The following MEFV variants were observed in gnomAD, a reference collection of about 807,000 sequenced individuals.
MEFV encodes the protein MEFV innate immunity regulator, pyrin, also known as pyrin.
MEFV carries 60 observed loss-of-function variants against 62.5 expected under a neutral mutation model. The observed-to-expected ratio is 0.96, with a 90% confidence interval of 0.78 to 1.19. MEFV has a LOEUF of 1.19. Among genes scored for constraint, MEFV ranks in the 50% most tolerant of loss-of-function variants. MEFV has a pLI of 0.00. For synonymous variants in MEFV, 500 were observed against 415.2 expected (o/e 1.20, Z -2.48); for missense variants, 1,169 against 1,004.5 (o/e 1.16, Z -2.21).
intron 2 of MEFV, among the ~76,000 whole-genome samples, chr16:3,253,281 T>G (rs1390911008): frequency 6.6e-6 from 1 of 152,106 alleles, no homozygotes; most frequent in Non-Finnish European, 1.5e-5. Flanking sequence ...TGGCCAGGGT[T>G]TTGTGTCCAT....
intron 4 of MEFV, 151 bp from the exon 5 acceptor site, chr16:3,247,397 T>C (rs547720905): frequency 3.1e-6 from 2 of 647,880 alleles, no homozygotes; most frequent in East Asian, 5.4e-5. Flanking sequence ...GGAGGCGATA[T>C]TGTCTGGAAC....
At chr16:3,247,606 G>C in intron 4 of MEFV, 1 of 285,044 alleles carries the variant, frequency 3.5e-6, no homozygotes, top group East Asian at 8.3e-5. Context: ...GATTGGGTGG[G>C]TCCCTAATCC....
rs1180523888 is a variant in MEFV at position 3,254,039 on chromosome 16, C to T, written c.910+119G>A. Reference sequence around the variant, plus strand: ...ACCAGGCTGGTCTCAAAGTCTTGGCCTCCAGCAATCCTCCCGCCCTGGCCT... The same window carrying T: ...ACCAGGCTGGTCTCAAAGTCTTGGCTTCCAGCAATCCTCCCGCCCTGGCCT... On this transcript the variant is annotated intron_variant, in intron 2 of 9. Coordinates refer to ENST00000219596, the MANE Select transcript of MEFV (RefSeq NM_000243.3). 9.6e-6 allele frequency: 11 copies of T among 1,148,920 alleles called. No homozygotes were observed. In the East Asian group the frequency reaches 2.3e-4, roughly 24 times the overall value. 71.2% of individuals were successfully genotyped at this position (1,148,920 alleles called of 1,614,324 possible).
In MEFV at chr16:3,244,556, G is replaced by T. The variant is rs550970304; in HGVS notation, c.1643C>A (p.Thr548Asn). 1.4e-5 allele frequency: 23 copies of T among 1,613,994 alleles called. No homozygotes were observed. Among genetic ancestry groups the T allele is most frequent in the Non-Finnish European group, 1.8e-5 (21 of 1,180,040 alleles). The change falls in exon 7 of 10, where the codon ACC becomes AAC. Residue 548 changes from threonine to asparagine, a missense_variant. By Grantham distance (65) the Thr-to-Asn change is moderately conservative. Coordinates refer to ENST00000219596, the MANE Select transcript of MEFV (RefSeq NM_000243.3). ...CTTTTGTTTTATCTCTTGAGGAGTG[G>T]TCCACTTTTCAGGGACAGGCACTGT... is the stretch of plus-strand genomic sequence containing the variant. Reference protein sequence around the residue: ...AKTVPVPEKWTTPQEIKQKIQ... With the variant: ...AKTVPVPEKWNTPQEIKQKIQ...
chr16:3,255,449 C>T (rs1959103335), intron 1 of MEFV, among the ~76,000 whole-genome samples: 1 of 151,918 alleles, frequency 6.6e-6, no homozygotes, highest in Non-Finnish European at 1.5e-5. Flanking sequence ...GCTCTGTTGC[C>T]CTGATGTGAT....
intron 4 of MEFV, chr16:3,247,559 C>T: frequency 2.6e-6 from 1 of 385,370 alleles, no homozygotes; most frequent in Non-Finnish European, 4.8e-6. Context: ...GATAAGAGTT[C>T]TTGCAGATGT....
chr16:3,243,596 C>A lies in MEFV; in HGVS notation c.1891G>T (p.Asp631Tyr). Residue 631 changes from aspartate to tyrosine, a missense_variant, in exon 10 of 10, where the codon GAT becomes TAT. Transcript: ENST00000219596. Reference sequence around the variant, plus strand: ...CAGCTGTCAAATCTTTGCGGGCCATCAGGCAGCCTCTCCCACTTGTTTCCA... The same window carrying A: ...CAGCTGTCAAATCTTTGCGGGCCATAAGGCAGCCTCTCCCACTTGTTTCCA... ...RLGNKWERLP[D>Y]GPQRFDSCII... The A allele has an allele frequency of 6.2e-7, 1 of 1,601,662 alleles. No homozygotes were observed. Among genetic ancestry groups the A allele is most frequent in the Non-Finnish European group, 8.5e-7 (1 of 1,172,750 alleles).
At chr16:3,246,878 G>T in intron 5 of MEFV, 138 bp downstream of exon 5, 3 of 865,854 alleles carry the variant, frequency 3.5e-6, no homozygotes, top group Non-Finnish European at 5.7e-6. Context: ...AGGCACTGTG[G>T]GTCACCAAGA....
chr16:3,247,310 AC>A lies in MEFV; in HGVS notation c.1357-65del, dbSNP rs1427576642. ...TGTGGGTGGACGTGGATGTCCAGGAACCCCCAGAAGCCCACCTCCTGGAGGT... is the reference window on the plus strand; with the variant it reads ...TGTGGGTGGACGTGGATGTCCAGGAACCCCAGAAGCCCACCTCCTGGAGGT... On this transcript the variant is annotated intron_variant, in intron 4 of 9. Coordinates refer to ENST00000219596, the MANE Select transcript of MEFV (RefSeq NM_000243.3). The A allele has an allele frequency of 3.4e-6, 5 of 1,486,810 alleles. No individual in the cohort carries two copies. In the East Asian group the frequency reaches 9.0e-5, roughly 27 times the overall value. The allele number at this position is 1,486,810 out of a possible 1,614,324, so 92.1% of individuals were successfully genotyped here.
chr16:3,250,723 C>A (rs1959018642), intron 2 of MEFV, among the ~76,000 whole-genome samples: 1 of 151,150 alleles, frequency 6.6e-6, no homozygotes, highest in Admixed American at 6.6e-5. Context: ...CCACGAGATA[C>A]AAGAAGAAAT....
chr16:3,256,223 G>C (rs1959112935), intron 1 of MEFV, 88 bp downstream of exon 1: 1 of 1,486,052 alleles, frequency 6.7e-7, no homozygotes, highest in Non-Finnish European at 9.2e-7. Context: ...CCCCAGGTCA[G>C]AGTGAGCTGC....
rs771061550 is a variant in MEFV at position 3,247,070 on chromosome 16, C to G, written c.1533G>C (p.Ala511=). Residue 511 remains alanine (A), a synonymous_variant, in exon 5 of 10, where the codon GCG becomes GCC. Coordinates refer to ENST00000219596, the MANE Select transcript of MEFV (RefSeq NM_000243.3). ...CCTTGGCCTCCAGTTCCCCAATCAG[C>G]GCATCGAGCAGGGCGATGTCCTGGG... is the stretch of plus-strand genomic sequence containing the variant. The part of the protein sequence containing the change: ...RVSQDIALLD[A]LIGELEAKEC... The G allele has an allele frequency of 2.5e-6, 4 of 1,614,038 alleles. No homozygotes were observed. The highest frequency in any genetic ancestry group is 1.7e-5 in the Admixed American group (1 of 59,990).
In MEFV at chr16:3,243,363, G is replaced by A. The variant is rs1958887477; in HGVS notation, c.2124C>T (p.Arg708=). 6.2e-7 allele frequency: 1 copy of A among 1,614,154 alleles called. No individual in the cohort carries two copies. The highest frequency in any genetic ancestry group is 8.5e-7 in the Non-Finnish European group (1 of 1,180,040). Residue 708 remains arginine (R), a synonymous_variant, in exon 10 of 10, where the codon CGC becomes CGT. Transcript: ENST00000219596. ...EYQASSVPPT[R]LLIKEPPKRV... ...GCTTGGGAGGCTCCTTTATTAGCAG[G>A]CGGGTCGGGGGAACGCTGGACGCCT...
In MEFV at chr16:3,254,643, A is replaced by C; in HGVS notation, c.425T>G (p.Leu142Arg). 1 of 1,607,896 alleles carries C rather than the reference A, an allele frequency of 6.2e-7. No individual in the cohort carries two copies. Among genetic ancestry groups the C allele is most frequent in the South Asian group, 1.1e-5 (1 of 91,004 alleles). Residue 142 changes from leucine to arginine, a missense_variant, in exon 2 of 10, where the codon CTG becomes CGG. Physicochemically the swap from Leu to Arg is moderately radical, Grantham distance 102 (BLOSUM62 -2). Transcript: ENST00000219596. ...CCCGGCCTCGGGCTGGCTGCACCGCAGGCTGGCAGCTCCGCCCCCGTACGG... is the reference window on the plus strand; with the variant it reads ...CCCGGCCTCGGGCTGGCTGCACCGCCGGCTGGCAGCTCCGCCCCCGTACGG... ...PRPYGGGAAS[L>R]RCSQPEAGRG...
intron 7 of MEFV, 55 bp from the exon 8 acceptor site, chr16:3,244,341 G>A: frequency 6.2e-7 from 1 of 1,613,118 alleles, no homozygotes; most frequent in Non-Finnish European, 8.5e-7. Flanking sequence ...CTCAGCCAGG[G>A]ACAGATGGAG....
At position 3,249,533 on chromosome 16, in the gene MEFV, G is replaced by A. The variant is rs1958999260; in HGVS notation, c.1158C>T (p.Phe386=). 6.2e-7 allele frequency: 1 copy of A among 1,614,236 alleles called. No individual in the cohort carries two copies. The highest frequency in any genetic ancestry group is 8.5e-7 in the Non-Finnish European group (1 of 1,180,044). ...KRHLKQVQLL[F]CEDHDEPICL... is the part of the protein sequence containing the mutation. ...AGATGGGCTCATCGTGATCCTCACA[G>A]AAGAGCAGCTGGACCTGCTTCAGGT... is the stretch of plus-strand genomic sequence containing the variant. Residue 386 remains phenylalanine (F), a synonymous_variant, in exon 3 of 10, where the codon TTC becomes TTT. Transcript: ENST00000219596.
chr16:3,254,421 A>C lies in MEFV; in HGVS notation c.647T>G (p.Leu216Arg), dbSNP rs754236724. 2 of 1,612,414 alleles carry C rather than the reference A, an allele frequency of 1.2e-6. No individual in the cohort carries two copies. The highest frequency in any genetic ancestry group is 2.7e-5 in the African/African-American group (2 of 74,880). ...CTTCTGCCCCGGGGCGCCCCCCGCC[A>C]GCCCCTGCAGCCTCCCCGCGGAGCT... is the stretch of plus-strand genomic sequence containing the variant. ...NASSAGRLQG[L>R]AGGAPGQKEC... The change falls in exon 2 of 10, where the codon CTG becomes CGG. Residue 216 changes from leucine to arginine, a missense_variant. Transcript: ENST00000219596.
At chr16:3,254,921 T>A (rs1196986528) in intron 1 of MEFV, 131 bp from the exon 2 acceptor site, 28 of 1,462,034 alleles carry the variant, frequency 1.9e-5, no homozygotes, top group Non-Finnish European at 2.6e-5. Flanking sequence ...CCGGGCGCGG[T>A]GGCTCATGCC....
At chr16:3,255,131 A>T (rs539372527) in intron 1 of MEFV, among the ~76,000 whole-genome samples, 115 of 152,304 alleles carry the variant, frequency 7.6e-4, no homozygotes, top group South Asian at 1.4e-3. Flanking sequence ...AGCCTGGCCA[A>T]CATGGCAAAA....
Sources: gnomAD v4.1 joint callset for allele counts (sites outside exome capture counted in the v4.1 genomes callset) on GRCh38, gnomAD v4.1.1 for gene constraint, MANE v1.5 for transcripts, NCBI Gene and HGNC (gene_info 2026-07-23, HGNC 2026-07-21) for gene names.